ATP9B: variants seen among roughly 807,000 people sequenced by gnomAD.
ATP9B encodes the protein ATPase phospholipid transporting 9B.
Under a neutral mutation model 146.1 loss-of-function variants are expected in ATP9B, and 110 were observed. The ratio of observed to expected loss-of-function variants is 0.75; its 90% CI spans 0.65 to 0.88. The LOEUF (loss-of-function observed/expected upper bound fraction) is 0.88, where lower values mean the gene tolerates loss of function less well. Among genes scored for constraint, ATP9B ranks in the 40% least tolerant of loss-of-function variants. The pLI is 0.00. For missense variants in ATP9B, 1,499 were observed against 1,496.4 expected (o/e 1.00, Z -0.03); for synonymous variants, 604 against 569.7 (o/e 1.06, Z -0.86).
At chr18:79,205,066 C>T (rs902550332) in intron 9 of ATP9B, among the ~76,000 whole-genome samples, 1 of 152,164 alleles carries the variant, frequency 6.6e-6, no homozygotes, top group Admixed American at 6.5e-5. Context: ...GTTCATGATC[C>T]CCAGGGCCCT....
intron 8 of ATP9B, among the ~76,000 whole-genome samples, chr18:79,187,527 A>T (rs1346617156): frequency 2.0e-5 from 3 of 152,236 alleles, no homozygotes. Context: ...CCACCTACAC[A>T]TCTACAGCTC....
In ATP9B at chr18:79,359,449, A is replaced by G. The variant is rs377285553; in HGVS notation, c.2999A>G (p.Lys1000Arg). Residue 1000 changes from lysine to arginine, a missense_variant, in exon 26 of 30, where the codon AAG becomes AGG. Coordinates refer to ENST00000426216, the MANE Select transcript of ATP9B (RefSeq NM_198531.5). ...EMAMLYPELY[K>R]DLTKGRSLSF... The stretch of plus-strand genomic sequence containing the variant: ...GCGATGCTCTACCCGGAGCTGTACA[A>G]GGACCTCACCAAGGTACGGGCCTCA... 1.7e-4 allele frequency: 270 copies of G among 1,613,526 alleles called. No individual in the cohort carries two copies. Among genetic ancestry groups the G allele is most frequent in the Non-Finnish European group, 2.1e-4 (251 of 1,179,564 alleles).
chr18:79,371,624 T>TC (rs1481145239), intron 26 of ATP9B, among the ~76,000 whole-genome samples: 1 of 152,246 alleles, frequency 6.6e-6, no homozygotes, highest in African/African-American at 2.4e-5. Flanking sequence ...ATTTCCAGCG[T>TC]CCGTGCCTCT....
chr18:79,250,461 G>A (rs1325899521), intron 11 of ATP9B, among the ~76,000 whole-genome samples: 1 of 152,122 alleles, frequency 6.6e-6, no homozygotes. Context: ...TTCCCTGAGT[G>A]AATGAATAAT....
chr18:79,344,595 T>A lies in ATP9B; in HGVS notation c.2472+241T>A, dbSNP rs141545743. On this transcript the variant is annotated intron_variant, in intron 21 of 29. Transcript: ENST00000426216. Reference sequence around the variant, plus strand: ...TGCTTTTGCCCATTCATGCTGTTTTTAGGCAGTTTTCCATTTCGTAGCAGC... The same window carrying A: ...TGCTTTTGCCCATTCATGCTGTTTTAAGGCAGTTTTCCATTTCGTAGCAGC... 1.9e-3 allele frequency among the ~76,000 whole-genome samples: 293 copies of A among 152,338 alleles called. 2 individuals carry two copies. The East Asian group carries it at 0.03, about 16-fold the overall frequency.
At chr18:79,204,243 T>G (rs1366035238) in intron 9 of ATP9B, among the ~76,000 whole-genome samples, 1 of 152,222 alleles carries the variant, frequency 6.6e-6, no homozygotes, top group Non-Finnish European at 1.5e-5. Context: ...AATGTTCTTC[T>G]GTGTTTTAAA....
At chr18:79,270,509 T>G (rs1342488171) in intron 12 of ATP9B, among the ~76,000 whole-genome samples, 1 of 117,808 alleles carries the variant, frequency 8.5e-6, no homozygotes, top group African/African-American at 3.2e-5. Flanking sequence ...GTGTGACTCC[T>G]CTTAAATATG....
intron 17 of ATP9B, among the ~76,000 whole-genome samples, chr18:79,333,886 G>T (rs9959068): frequency 6.6e-6 from 1 of 151,986 alleles, no homozygotes; most frequent in Non-Finnish European, 1.5e-5. Context: ...CAGGAGCTTT[G>T]TAAACATGGT....
chr18:79,218,349 C>T (rs1220702748), intron 11 of ATP9B, among the ~76,000 whole-genome samples: 2 of 150,466 alleles, frequency 1.3e-5, no homozygotes, highest in African/African-American at 2.5e-5. Context: ...GCCAGGCTGG[C>T]AGCTCCTGCT....
rs115566277 is a variant in ATP9B at position 79,213,441 on chromosome 18, G to A, written c.1031-521G>A. Among the ~76,000 whole-genome samples the A allele has an allele frequency of 1.5e-3, 234 of 152,064 alleles. 1 individual carries two copies. The highest frequency in any genetic ancestry group is 6.8e-3 in the Middle Eastern group (2 of 294). On this transcript the variant is annotated intron_variant, in intron 10 of 29. Transcript: ENST00000426216. The stretch of plus-strand genomic sequence containing the variant: ...GCTTCTAAATGCAAAGTCAAATACC[G>A]TTTTTTATAATATTTCTATTATTTT...
chr18:79,148,005 C>A lies in ATP9B; in HGVS notation c.726+4145C>A, dbSNP rs539543540. On this transcript the variant is annotated intron_variant, in intron 6 of 29. Transcript: ENST00000426216. ...TGAAATAGGGGCTTTCACTATAGAT[C>A]CTGCAGCCATTAAAAAGACAGTTAT... Among the ~76,000 whole-genome samples the A allele has an allele frequency of 3.3e-5, 5 of 152,238 alleles. No individual in the cohort carries two copies. In the East Asian group the frequency reaches 9.6e-4, roughly 29 times the overall value.
intron 4 of ATP9B, among the ~76,000 whole-genome samples, chr18:79,119,324 C>G (rs2147106220): frequency 6.6e-6 from 1 of 152,272 alleles, no homozygotes; most frequent in Non-Finnish European, 1.5e-5. Flanking sequence ...GTGAAGTGTG[C>G]ACACAAGCAC....
chr18:79,085,743 T>G (rs2073761408), intron 1 of ATP9B: 1 of 152,274 alleles, frequency 6.6e-6, no homozygotes, highest in Non-Finnish European at 1.5e-5. Context: ...TTGCCAGCAG[T>G]GTGACTATTG....
chr18:79,162,119 A>G lies in ATP9B; in HGVS notation c.778+7564A>G, dbSNP rs188972813. Among the ~76,000 whole-genome samples the G allele has an allele frequency of 3.1e-3, 471 of 152,344 alleles. 2 individuals are homozygous for G. The highest frequency in any genetic ancestry group is 4.2e-3 in the Non-Finnish European group (286 of 68,032). On this transcript the variant is annotated intron_variant, in intron 7 of 29. Coordinates refer to ENST00000426216, the MANE Select transcript of ATP9B (RefSeq NM_198531.5). ...TAGTTTCAGTTTGAAAAAATCTGATAATACACTGTTTATTATAATTACAAT... is the reference window on the plus strand; with the variant it reads ...TAGTTTCAGTTTGAAAAAATCTGATGATACACTGTTTATTATAATTACAAT...
intron 9 of ATP9B, among the ~76,000 whole-genome samples, 195 bp downstream of exon 9, chr18:79,193,458 T>C (rs190740481): frequency 6.6e-6 from 1 of 152,350 alleles, no homozygotes; most frequent in Non-Finnish European, 1.5e-5. Context: ...AGTACAGTTT[T>C]TGGAATTTTT....
chr18:79,088,024 G>GA (rs1251211778), intron 1 of ATP9B, among the ~76,000 whole-genome samples: 8 of 152,056 alleles, frequency 5.3e-5, no homozygotes, highest in Non-Finnish European at 1.0e-4. Context: ...TCCTGTCTCT[G>GA]AAAAAAATCC....
intron 7 of ATP9B, among the ~76,000 whole-genome samples, chr18:79,166,097 G>C (rs972011047): frequency 6.6e-6 from 1 of 152,178 alleles, no homozygotes; most frequent in Non-Finnish European, 1.5e-5. Flanking sequence ...CCCAGGGTGA[G>C]AGACAGGTCC....
At chr18:79,180,619 A>G (rs1410466821) in intron 8 of ATP9B, among the ~76,000 whole-genome samples, 2 of 152,068 alleles carry the variant, frequency 1.3e-5, no homozygotes, top group African/African-American at 2.4e-5. Flanking sequence ...CTGTTTACCC[A>G]TGTGTTTGTT....
intron 1 of ATP9B, among the ~76,000 whole-genome samples, chr18:79,076,904 G>GT (rs34413701): frequency 0.13 from 20,146 of 151,764 alleles, 1,955 homozygotes; most frequent in African/African-American, 0.27. Context: ...TTTCTTCCTC[G>GT]TTTTTTTAGT....
Sources: gnomAD v4.1 joint callset for allele counts (sites outside exome capture counted in the v4.1 genomes callset) on GRCh38, gnomAD v4.1.1 for gene constraint, MANE v1.5 for transcripts, NCBI Gene and HGNC (gene_info 2026-07-23, HGNC 2026-07-21) for gene names.